Variants in PAPPA2 observed in about 807,000 individuals in gnomAD.
PAPPA2 encodes pappalysin 2, also known as pappalysin-2.
In PAPPA2, 86 loss-of-function variants were observed where a neutral mutation model predicts 176.4. The ratio of observed to expected loss-of-function variants is 0.49; its 90% CI spans 0.41 to 0.58. PAPPA2 has a LOEUF of 0.58. Among genes scored for constraint, PAPPA2 ranks in the 20% least tolerant of loss-of-function variants. The pLI is 0.00. For synonymous variants in PAPPA2, 809 were observed against 852.2 expected (o/e 0.95, Z 0.88); for missense variants, 2,073 against 2,256.9 (o/e 0.92, Z 1.65).
intron 12 of PAPPA2, among the ~76,000 whole-genome samples, chr1:176,730,183 T>C (rs1184653874): frequency 6.6e-6 from 1 of 151,990 alleles, no homozygotes; most frequent in Non-Finnish European, 1.5e-5. Flanking sequence ...GAGCCACTTG[T>C]ATAAAATAAG....
intron 3 of PAPPA2, among the ~76,000 whole-genome samples, chr1:176,630,247 T>G (rs1372977250): frequency 6.6e-6 from 1 of 152,126 alleles, no homozygotes; most frequent in Non-Finnish European, 1.5e-5. Flanking sequence ...CTTACGTAGG[T>G]AGTAAAATTT....
At chr1:176,688,569 T>C (rs1659953180) in intron 4 of PAPPA2, among the ~76,000 whole-genome samples, 1 of 152,142 alleles carries the variant, frequency 6.6e-6, no homozygotes, top group East Asian at 1.9e-4. Flanking sequence ...TAAAAAAGGA[T>C]AAGTTTAGAG....
chr1:176,807,999 G>A (rs1451562894), intron 21 of PAPPA2, among the ~76,000 whole-genome samples: 1 of 152,104 alleles, frequency 6.6e-6, no homozygotes, highest in Non-Finnish European at 1.5e-5. Context: ...CTTTCAGAAG[G>A]CAGCCAAAGG....
chr1:176,663,281 G>A (rs1192442960), intron 3 of PAPPA2, among the ~76,000 whole-genome samples: 2 of 152,108 alleles, frequency 1.3e-5, no homozygotes, highest in African/African-American at 4.8e-5. Context: ...ATGTAAGTGT[G>A]CTTTCTTCCT....
chr1:176,787,783 G>A (rs186936852), intron 17 of PAPPA2, among the ~76,000 whole-genome samples: 262 of 152,162 alleles, frequency 1.7e-3, no homozygotes, highest in African/African-American at 5.9e-3. Flanking sequence ...TTCATAGGCC[G>A]GGCACATTGG....
intron 14 of PAPPA2, among the ~76,000 whole-genome samples, chr1:176,749,873 C>T (rs1291749629): frequency 9.2e-5 from 14 of 152,026 alleles, no homozygotes; most frequent in Admixed American, 8.5e-4. Flanking sequence ...TATCCATATA[C>T]CTATTGAAGG....
At chr1:176,515,425 T>A (rs1368763285) in intron 1 of PAPPA2, among the ~76,000 whole-genome samples, 1 of 152,044 alleles carries the variant, frequency 6.6e-6, no homozygotes, top group East Asian at 1.9e-4. Context: ...TCCAGGAGGA[T>A]TGTGATCACC....
At chr1:176,813,129 T>C (rs1666228616) in intron 21 of PAPPA2, among the ~76,000 whole-genome samples, 1 of 152,220 alleles carries the variant, frequency 6.6e-6, no homozygotes, top group Admixed American at 6.5e-5. Flanking sequence ...TCTCATTCCT[T>C]TTTATGGCTG....
chr1:176,620,857 A>G (rs1655554172), intron 3 of PAPPA2, among the ~76,000 whole-genome samples: 2 of 152,190 alleles, frequency 1.3e-5, no homozygotes, highest in South Asian at 4.1e-4. Context: ...TTGTCTCAAG[A>G]TAAATATTAC....
chr1:176,633,111 G>A (rs979281004), intron 3 of PAPPA2, among the ~76,000 whole-genome samples: 1 of 152,208 alleles, frequency 6.6e-6, no homozygotes, highest in Non-Finnish European at 1.5e-5. Context: ...CATTGAAGCA[G>A]AGAGAGGTAA....
In PAPPA2 at chr1:176,811,657, T is replaced by A. The variant is rs558835984; in HGVS notation, c.5202+11525T>A. Among the ~76,000 whole-genome samples the A allele has an allele frequency of 3.9e-5, 6 of 152,302 alleles. No homozygotes were observed. In the East Asian group the frequency reaches 1.2e-3, roughly 29 times the overall value. ...TGAAAATTTGCTTAAGTTGGAACTG[T>A]CTTCCAGGCTCACTACCTGCCAAAT... On this transcript the variant is annotated intron_variant, in intron 21 of 22. Coordinates refer to ENST00000367662, the MANE Select transcript of PAPPA2 (RefSeq NM_020318.3).
chr1:176,483,296 T>G (rs1409577731), intron 1 of PAPPA2, among the ~76,000 whole-genome samples: 1 of 152,050 alleles, frequency 6.6e-6, no homozygotes, highest in African/African-American at 2.4e-5. Context: ...AAGAATTGTT[T>G]TATGCTAGCC....
intron 21 of PAPPA2, among the ~76,000 whole-genome samples, chr1:176,835,579 G>A (rs1667240999): frequency 6.6e-6 from 1 of 152,176 alleles, no homozygotes; most frequent in Admixed American, 6.5e-5. Flanking sequence ...GAGTGCAATG[G>A]CACAATCCTG....
intron 1 of PAPPA2, among the ~76,000 whole-genome samples, chr1:176,475,107 G>C (rs542842960): frequency 2.4e-4 from 37 of 152,246 alleles, no homozygotes; most frequent in African/African-American, 8.9e-4. Context: ...ATAATCAACA[G>C]AGAATGAATT....
intron 21 of PAPPA2, among the ~76,000 whole-genome samples, chr1:176,819,035 A>C (rs1435888091): frequency 6.6e-6 from 1 of 152,206 alleles, no homozygotes; most frequent in Non-Finnish European, 1.5e-5. Context: ...TCCACGGGGC[A>C]TTAAGTTTTG....
Position 176,638,489 on chromosome 1 carries a change from A to G in PAPPA2, c.1992-32481A>G, listed in dbSNP as rs573152115. ...CATTGGCAGCCTCAGCAGAGCCATT[A>G]GAACTATTAAACGAATGTATTGTTT... On this transcript the variant is annotated intron_variant, in intron 3 of 22. Coordinates refer to ENST00000367662, the MANE Select transcript of PAPPA2 (RefSeq NM_020318.3). Among the ~76,000 whole-genome samples the G allele has an allele frequency of 7.9e-5, 12 of 152,214 alleles. No homozygotes were observed. The South Asian group carries it at 2.5e-3, about 32-fold the overall frequency.
In PAPPA2 at chr1:176,769,675, C is replaced by A; in HGVS notation, c.4392C>A (p.Cys1464Ter). ...ATGTGAGCTGCCTTCCCGTGGACTG[C>A]GGTGTTCCCGACCCGTCTTTGGTGA... is the stretch of plus-strand genomic sequence containing the variant. ...DQNVSCLPVDCGVPDPSLVNY... is the reference protein window; with the variant it reads ...DQNVSCLPVD The change falls in exon 16 of 23, where the codon TGC (cysteine) becomes TGA (stop). Residue 1464 changes from cysteine to a stop codon, truncating the protein, a stop_gained. Coordinates refer to ENST00000367662, the MANE Select transcript of PAPPA2 (RefSeq NM_020318.3). LOFTEE classifies it high-confidence loss of function. 18 of 1,613,878 alleles carry A rather than the reference C, an allele frequency of 1.1e-5. No homozygotes were observed. The highest frequency in any genetic ancestry group is 1.5e-5 in the Non-Finnish European group (18 of 1,179,908).
chr1:176,498,963 T>G (rs1347351011), intron 1 of PAPPA2, among the ~76,000 whole-genome samples: 1 of 152,170 alleles, frequency 6.6e-6, no homozygotes, highest in Non-Finnish European at 1.5e-5. Context: ...TCCCTCCTTC[T>G]TTTTTCTCTC....
At chr1:176,653,996 A>G (rs1657892204) in intron 3 of PAPPA2, among the ~76,000 whole-genome samples, 1 of 151,676 alleles carries the variant, frequency 6.6e-6, no homozygotes, top group African/African-American at 2.4e-5. Flanking sequence ...TTAAAAATTT[A>G]CTATTCCTGT....
Sources: allele counts gnomAD v4.1 joint callset (sites outside exome capture counted in the v4.1 genomes callset), GRCh38; gene constraint gnomAD v4.1.1; transcripts MANE v1.5; gene names NCBI Gene and HGNC (gene_info 2026-07-23, HGNC 2026-07-21).